The following SLC39A12 variants were observed in gnomAD, a reference collection of about 807,000 sequenced individuals.
SLC39A12 encodes the protein solute carrier family 39 member 12.
A neutral mutation model predicts 71.1 loss-of-function variants in SLC39A12; 63 were observed. That is an observed-to-expected ratio of 0.89 (90% CI 0.72 to 1.09). The LOEUF (loss-of-function observed/expected upper bound fraction) is 1.09. Ranked by LOEUF, SLC39A12 falls within the 50% of genes least tolerant of loss-of-function variation. The pLI, the probability that SLC39A12 is intolerant of heterozygous loss-of-function variation, is 0.00. For synonymous variants in SLC39A12, 351 were observed against 301.3 expected (o/e 1.16, Z -1.71); for missense variants, 892 against 812.6 (o/e 1.10, Z -1.19).
In SLC39A12 at chr10:18,006,619, G is replaced by T. The variant is rs1327385634; in HGVS notation, c.1947+3261G>T. 3.3e-5 allele frequency among the ~76,000 whole-genome samples: 5 copies of T among 152,164 alleles called. No individual in the cohort carries two copies. In the East Asian group the frequency reaches 9.6e-4, roughly 29 times the overall value. ...TCTGTGTTTTTATTAAGTTGACCAG[G>T]ACTATGGGAACACCATCACACAGGA... On this transcript the variant is annotated intron_variant, in intron 12 of 12. Coordinates refer to ENST00000377369, the MANE Select transcript of SLC39A12 (RefSeq NM_001145195.2).
In SLC39A12 at chr10:17,987,533, G is replaced by A; in HGVS notation, c.1151G>A (p.Gly384Glu). ...CTTCTCACACTGGGCTCCATGCTGG[G>A]GACAGCGCTGGTCCTTTTCCATAGC... ...VTLLTLGSML[G>E]TALVLFHSCE... The change falls in exon 7 of 13, where the codon GGG becomes GAG. Residue 384 changes from glycine (G) to glutamate (E), a missense_variant. Coordinates refer to ENST00000377369, the MANE Select transcript of SLC39A12 (RefSeq NM_001145195.2). The A allele has an allele frequency of 6.2e-7, 1 of 1,614,108 alleles. No individual in the cohort carries two copies. The highest frequency in any genetic ancestry group is 8.5e-7 in the Non-Finnish European group (1 of 1,180,016).
At chr10:17,991,966 G>A (rs918471390) in intron 8 of SLC39A12, among the ~76,000 whole-genome samples, 2 of 151,578 alleles carry the variant, frequency 1.3e-5, no homozygotes, top group African/African-American at 2.4e-5. Flanking sequence ...CCGCGCGCCT[G>A]TAATCCCAGG....
In SLC39A12 at chr10:18,036,769, TATATATATATATATATATATATA is replaced by T. The variant is rs1458420901; in HGVS notation, c.1948-5935_1948-5913del. ...AATTATATATATATATATATATATA[TATATATATATATATATATATATA>T]TATTTTTTTTTTTAATGGAATCTCA... On this transcript the variant is annotated intron_variant, in intron 12 of 12. Transcript: ENST00000377369. 1.2e-3 allele frequency among the ~76,000 whole-genome samples: 99 copies of T among 79,354 alleles called. 10 individuals are homozygous for T. Among genetic ancestry groups the T allele is most frequent in the South Asian group, 2.7e-3 (5 of 1,850 alleles). The allele number at this position is 79,354 out of a possible 152,430, so 52.1% of individuals were successfully genotyped here. A position where few individuals can be genotyped will look rare whatever the true frequency, so the allele number is the denominator to read the frequency against.
chr10:17,966,174 G>T (rs1312878353), intron 4 of SLC39A12, among the ~76,000 whole-genome samples: 1 of 152,310 alleles, frequency 6.6e-6, no homozygotes, highest in Non-Finnish European at 1.5e-5. Flanking sequence ...GCTTTTTGGG[G>T]ATCCAGGATG....
chr10:18,026,344 A>AT (rs762367178), intron 12 of SLC39A12, among the ~76,000 whole-genome samples: 5 of 151,848 alleles, frequency 3.3e-5, no homozygotes, highest in Non-Finnish European at 4.4e-5. Context: ...CGGTGGGTGG[A>AT]TTTTTTCTCT....
intron 2 of SLC39A12, 57 bp downstream of exon 2, chr10:17,953,594 T>C: frequency 6.4e-7 from 1 of 1,571,012 alleles, no homozygotes; most frequent in African/African-American, 1.4e-5. Flanking sequence ...AAGCAATGGA[T>C]TCTATAGGGA....
chr10:18,041,739 ATATACATGTATATATGTG>A (rs1813339940), intron 12 of SLC39A12, among the ~76,000 whole-genome samples: 2 of 119,192 alleles, frequency 1.7e-5, no homozygotes, highest in Admixed American at 8.5e-5. Flanking sequence ...GTATATATGT[ATATACATGTATATATGTG>A]TATACATATG....
intron 12 of SLC39A12, among the ~76,000 whole-genome samples, chr10:18,039,897 G>C (rs746781540): frequency 1.6e-4 from 25 of 152,086 alleles, no homozygotes; most frequent in Non-Finnish European, 3.7e-4. Flanking sequence ...TTAATATCAA[G>C]GCATTTAGAA....
At chr10:18,021,695 G>A (rs1275753295) in intron 12 of SLC39A12, among the ~76,000 whole-genome samples, 1 of 152,084 alleles carries the variant, frequency 6.6e-6, no homozygotes, top group Non-Finnish European at 1.5e-5. Flanking sequence ...AGACATAATT[G>A]TGTATTTGAT....
rs769123085 is a variant in SLC39A12 at position 18,040,958 on chromosome 10, A to ATAAG, written c.1948-1746_1948-1745insAAGT. ...GATTGTGGGCAGAGACACAGCTGACATCTAGTAGGAGCCATAGATACTGCT... is the reference window on the plus strand; with the variant it reads ...GATTGTGGGCAGAGACACAGCTGACATAAGTCTAGTAGGAGCCATAGATACTGCT... On this transcript the variant is annotated intron_variant, in intron 12 of 12. Transcript: ENST00000377369. Among the ~76,000 whole-genome samples the ATAAG allele has an allele frequency of 3.3e-4, 50 of 152,102 alleles. No homozygotes were observed. In the East Asian group the frequency reaches 6.0e-3, roughly 18 times the overall value.
intron 4 of SLC39A12, among the ~76,000 whole-genome samples, chr10:17,975,621 G>C (rs1279190446): frequency 6.6e-6 from 1 of 152,142 alleles, no homozygotes; most frequent in Non-Finnish European, 1.5e-5. Context: ...GTAATGAGCT[G>C]TGCAGCCTGG....
At chr10:17,965,417 A>C in intron 3 of SLC39A12, 66 bp from the exon 4 acceptor site, 2 of 1,454,356 alleles carry the variant, frequency 1.4e-6, no homozygotes, top group South Asian at 1.2e-5. Flanking sequence ...GGGAAATTTC[A>C]GAGATGTTAG....
At chr10:18,036,183 C>A (rs2497783) in intron 12 of SLC39A12, among the ~76,000 whole-genome samples, 2 of 152,080 alleles carry the variant, frequency 1.3e-5, no homozygotes, top group Admixed American at 1.3e-4. Context: ...CACCCAGTTC[C>A]AGCTTCAGGG....
chr10:17,996,900 A>G (rs926459992), intron 10 of SLC39A12, among the ~76,000 whole-genome samples: 2 of 151,838 alleles, frequency 1.3e-5, no homozygotes, highest in African/African-American at 4.8e-5. Context: ...CGGGAGACTG[A>G]GGCAGGAGAA....
At chr10:18,036,782 A>AT (rs1564665979) in intron 12 of SLC39A12, among the ~76,000 whole-genome samples, 2 of 7,266 alleles carry the variant, frequency 2.8e-4, no homozygotes, top group African/African-American at 1.2e-3. Flanking sequence ...ATATATATAT[A>AT]TATATATATA....
intron 3 of SLC39A12, among the ~76,000 whole-genome samples, chr10:17,962,152 T>C (rs1387706817): frequency 1.3e-5 from 2 of 152,222 alleles, no homozygotes; most frequent in Admixed American, 6.5e-5. Context: ...CTCAAATCAG[T>C]ATGACCCAAG....
At chr10:18,041,851 A>G (rs967310334) in intron 12 of SLC39A12, among the ~76,000 whole-genome samples, 56 of 145,572 alleles carry the variant, frequency 3.8e-4, no homozygotes, top group South Asian at 1.1e-3. Context: ...ATACGTATAT[A>G]TATGTACATA....
intron 4 of SLC39A12, among the ~76,000 whole-genome samples, chr10:17,976,768 T>A (rs1378163042): frequency 6.6e-6 from 1 of 152,180 alleles, no homozygotes; most frequent in East Asian, 1.9e-4. Flanking sequence ...CTGTAATGTG[T>A]CTGGGTGTGA....
chr10:18,041,438 G>A (rs1453984981), intron 12 of SLC39A12, among the ~76,000 whole-genome samples: 8 of 150,630 alleles, frequency 5.3e-5, no homozygotes, highest in Non-Finnish European at 1.2e-4. Context: ...AGACATTGCA[G>A]TAAGCTGAGA....
Sources: gnomAD v4.1 joint callset for allele counts (sites outside exome capture counted in the v4.1 genomes callset) on GRCh38, gnomAD v4.1.1 for gene constraint, MANE v1.5 for transcripts, NCBI Gene and HGNC (gene_info 2026-07-23, HGNC 2026-07-21) for gene names.